The following ZBTB7C variants were observed in gnomAD, a reference collection of about 807,000 sequenced individuals.
ZBTB7C encodes zinc finger and BTB domain-containing protein 7C.
Under a neutral mutation model 25.7 loss-of-function variants are expected in ZBTB7C, and 8 were observed. That is an observed-to-expected ratio of 0.31 (90% CI 0.18 to 0.56). The LOEUF (loss-of-function observed/expected upper bound fraction) is 0.56. ZBTB7C is among the 20% of genes least tolerant of loss of function. The pLI is 0.91. For missense variants in ZBTB7C, 824 were observed against 855.2 expected (o/e 0.96, Z 0.46); for synonymous variants, 394 against 369.0 (o/e 1.07, Z -0.78).
intron 3 of ZBTB7C, among the ~76,000 whole-genome samples, chr18:48,167,611 C>T (rs564443640): frequency 4.7e-4 from 35 of 75,120 alleles, no homozygotes; most frequent in African/African-American, 1.2e-3. Context: ...CGCGTGCACA[C>T]GCGCATGCGC....
At chr18:48,329,642 G>A (rs932461844) in intron 2 of ZBTB7C, among the ~76,000 whole-genome samples, 2 of 152,120 alleles carry the variant, frequency 1.3e-5, no homozygotes, top group Admixed American at 1.3e-4. Flanking sequence ...TTGCACATAT[G>A]AATACACATA....
chr18:48,026,799 A>G lies in ZBTB7C; in HGVS notation c.*2461T>C, dbSNP rs1291308516. ...TATTTTAAGTTTATGACACCCAACA[A>G]TTAAAAACCTTAAGACTGGCTTGTT... On this transcript the variant is annotated 3_prime_UTR_variant, in exon 5 of 5. Transcript: ENST00000590800. 1 of 151,886 alleles carries G rather than the reference A, an allele frequency of 6.6e-6. No individual in the cohort carries two copies. Among genetic ancestry groups the G allele is most frequent in the Non-Finnish European group, 1.5e-5 (1 of 68,018 alleles). The allele number at this position is 151,886 out of a possible 1,614,324, so 9.4% of individuals were successfully genotyped here. A position where few individuals can be genotyped will look rare whatever the true frequency, so the allele number is the denominator to read the frequency against.
intron 2 of ZBTB7C, among the ~76,000 whole-genome samples, chr18:48,330,448 C>CG (rs1410332292): frequency 6.6e-6 from 1 of 152,104 alleles, no homozygotes; most frequent in East Asian, 1.9e-4. Flanking sequence ...CCCAAGAAAC[C>CG]GGGCCAGCTT....
chr18:48,213,248 C>G (rs564873610), intron 2 of ZBTB7C, among the ~76,000 whole-genome samples: 1 of 152,300 alleles, frequency 6.6e-6, no homozygotes, highest in East Asian at 1.9e-4. Context: ...TTCTCAATGA[C>G]CAGGGTTTTG....
intron 2 of ZBTB7C, among the ~76,000 whole-genome samples, chr18:48,268,163 G>T (rs918433895): frequency 2.0e-5 from 3 of 152,204 alleles, no homozygotes; most frequent in African/African-American, 7.2e-5. Flanking sequence ...ACTTGTTTAA[G>T]CATTGAGTTT....
At chr18:48,325,871 G>A (rs1296163447) in intron 2 of ZBTB7C, among the ~76,000 whole-genome samples, 3 of 152,066 alleles carry the variant, frequency 2.0e-5, no homozygotes, top group Non-Finnish European at 4.4e-5. Flanking sequence ...ACTAGTGTAG[G>A]CCATGGCCAT....
At chr18:48,267,175 T>C (rs1044525000) in intron 2 of ZBTB7C, among the ~76,000 whole-genome samples, 2 of 152,200 alleles carry the variant, frequency 1.3e-5, no homozygotes, top group African/African-American at 4.8e-5. Context: ...GCCTCCTCCA[T>C]TGCTCATCAG....
At chr18:48,400,913 C>T (rs2048142980) in intron 1 of ZBTB7C, among the ~76,000 whole-genome samples, 1 of 152,178 alleles carries the variant, frequency 6.6e-6, no homozygotes, top group African/African-American at 2.4e-5. Context: ...GGCCCGTGCC[C>T]CATCTTTGTG....
intron 2 of ZBTB7C, among the ~76,000 whole-genome samples, chr18:48,262,054 C>T (rs567189466): frequency 5.9e-5 from 9 of 152,170 alleles, no homozygotes; most frequent in African/African-American, 1.7e-4. Context: ...GCTAGGGATT[C>T]ACATCCCTAG....
At chr18:48,360,847 G>C (rs777384788) in intron 1 of ZBTB7C, among the ~76,000 whole-genome samples, 2 of 152,138 alleles carry the variant, frequency 1.3e-5, no homozygotes. Flanking sequence ...GGTCGCTGGC[G>C]GAAGGGTGAG....
chr18:48,180,050 T>TC (rs2041861414), intron 3 of ZBTB7C, among the ~76,000 whole-genome samples: 1 of 142,526 alleles, frequency 7.0e-6, no homozygotes, highest in African/African-American at 2.6e-5. Context: ...CTTCCTTCCT[T>TC]CCCTCCCTCC....
rs2038381435 is a variant in ZBTB7C, at chr18:48,090,748, C to T, written c.-16-49625G>A. ...GGATCCTGCTCCCCACTGTGCTGGA[C>T]CCAGGCCAGACAGACCCACCCCTTG... On this transcript the variant is annotated intron_variant, in intron 3 of 4. Transcript: ENST00000590800. Among the ~76,000 whole-genome samples, 6 of 148,404 alleles carry T rather than the reference C, an allele frequency of 4.0e-5. No homozygotes were observed. The South Asian group carries it at 8.3e-4, about 20-fold the overall frequency.
At chr18:48,358,372 T>C (rs143411972) in intron 1 of ZBTB7C, among the ~76,000 whole-genome samples, 201 of 152,086 alleles carry the variant, frequency 1.3e-3, no homozygotes, top group African/African-American at 4.6e-3. Context: ...AGAAAAAGTA[T>C]GTGACACCTC....
chr18:48,277,884 T>C (rs930286424), intron 2 of ZBTB7C, among the ~76,000 whole-genome samples: 2 of 151,658 alleles, frequency 1.3e-5, no homozygotes, highest in African/African-American at 4.9e-5. Context: ...AGATAGCAGG[T>C]AGCAGCCCCT....
intron 3 of ZBTB7C, among the ~76,000 whole-genome samples, chr18:48,152,791 C>T (rs1230479697): frequency 6.6e-6 from 1 of 152,242 alleles, no homozygotes; most frequent in Non-Finnish European, 1.5e-5. Flanking sequence ...AAAATAATCA[C>T]GATGAGCCCT....
chr18:48,321,244 T>C (rs2046085728), intron 2 of ZBTB7C, among the ~76,000 whole-genome samples: 1 of 152,162 alleles, frequency 6.6e-6, no homozygotes, highest in South Asian at 2.1e-4. Flanking sequence ...GGGTGTGTCA[T>C]GCCACAAGCC....
intron 2 of ZBTB7C, among the ~76,000 whole-genome samples, chr18:48,293,899 T>C (rs1206789180): frequency 6.6e-6 from 1 of 152,232 alleles, no homozygotes; most frequent in Non-Finnish European, 1.5e-5. Flanking sequence ...ATTACCAGCA[T>C]GAGCCACGAT....
At chr18:48,358,072 C>A (rs896263569) in intron 1 of ZBTB7C, among the ~76,000 whole-genome samples, 5 of 152,110 alleles carry the variant, frequency 3.3e-5, no homozygotes, top group Non-Finnish European at 5.9e-5. Context: ...TGGTAGGGAC[C>A]GGATGCAGTA....
rs112855979 is a variant in ZBTB7C at position 48,188,517 on chromosome 18, T to C, written c.-78-2522A>G. On this transcript the variant is annotated intron_variant, in intron 2 of 4. Coordinates refer to ENST00000590800, the MANE Select transcript of ZBTB7C (RefSeq NM_001318841.2). The stretch of plus-strand genomic sequence containing the variant: ...TCCCTCCCACAGAATCTGGGAATTA[T>C]GGGAGTTACAATTCAAGATGAGATT... Among the ~76,000 whole-genome samples, 763 of 152,304 alleles carry C rather than the reference T, an allele frequency of 5.0e-3. 6 individuals carry two copies. The highest frequency in any genetic ancestry group is 7.1e-3 in the Non-Finnish European group (480 of 68,026).
Sources: allele counts gnomAD v4.1 joint callset (sites outside exome capture counted in the v4.1 genomes callset), GRCh38; gene constraint gnomAD v4.1.1; transcripts MANE v1.5; gene names NCBI Gene and HGNC (gene_info 2026-07-23, HGNC 2026-07-21).